XKR9: variants seen among roughly 807,000 people sequenced by gnomAD.
XKR9 encodes XK-related protein 9.
Under a neutral mutation model 32.0 loss-of-function variants are expected in XKR9, and 32 were observed. The observed-to-expected ratio is 1.00, with a 90% CI of 0.76 to 1.34. The LOEUF is 1.34. Among genes scored for constraint, XKR9 ranks in the 40% most tolerant of loss-of-function variants. XKR9 has a pLI of 0.00. For missense variants in XKR9, 546 were observed against 429.7 expected (o/e 1.27, Z -2.39); for synonymous variants, 168 against 143.4 (o/e 1.17, Z -1.22).
the XKR9 span, among the ~76,000 whole-genome samples, chr8:70,938,557 GTC>G: frequency 6.6e-6 from 1 of 151,982 alleles, no homozygotes; most frequent in South Asian, 2.1e-4. Context: ...CTCTGTCATT[GTC>G]CAGAATCAAA....
At chr8:70,709,315 CAT>C (rs1805827739) in intron 4 of XKR9, among the ~76,000 whole-genome samples, 1 of 152,058 alleles carries the variant, frequency 6.6e-6, no homozygotes, top group Non-Finnish European at 1.5e-5. Flanking sequence ...ATAATGGAAC[CAT>C]CTATGACAAA....
At chr8:71,034,683 C>T in the XKR9 span, among the ~76,000 whole-genome samples, 1 of 151,994 alleles carries the variant, frequency 6.6e-6, no homozygotes, top group Non-Finnish European at 1.5e-5. Flanking sequence ...GGAGGAGCCT[C>T]TAAGTGATGT....
chr8:70,889,507 G>A, the XKR9 span, among the ~76,000 whole-genome samples: 1 of 151,782 alleles, frequency 6.6e-6, no homozygotes, highest in African/African-American at 2.4e-5. Flanking sequence ...TCATCACCCA[G>A]GTCCTGAGCA....
the XKR9 span, among the ~76,000 whole-genome samples, chr8:71,001,050 A>G: frequency 6.6e-6 from 1 of 152,236 alleles, no homozygotes; most frequent in South Asian, 2.1e-4. Flanking sequence ...TGTCAACAAA[A>G]TAGGAAATCT....
At chr8:70,897,170 C>T in the XKR9 span, among the ~76,000 whole-genome samples, 1 of 152,176 alleles carries the variant, frequency 6.6e-6, no homozygotes, top group Non-Finnish European at 1.5e-5. Context: ...TTTCACTTTA[C>T]ATAATGACTC....
chr8:70,806,982 A>AG, the XKR9 span, among the ~76,000 whole-genome samples: 1 of 152,170 alleles, frequency 6.6e-6, no homozygotes, highest in Non-Finnish European at 1.5e-5. Context: ...CTCAATGTTG[A>AG]AATGAAGGAA....
chr8:70,890,244 A>G, the XKR9 span, among the ~76,000 whole-genome samples: 20 of 151,992 alleles, frequency 1.3e-4, 1 homozygote, highest in South Asian at 3.3e-3. Context: ...AGATCATGCC[A>G]TTTGTAAACA....
chr8:70,677,087 G>A (rs1367719678), intron 2 of XKR9, among the ~76,000 whole-genome samples: 1 of 151,300 alleles, frequency 6.6e-6, no homozygotes, highest in Non-Finnish European at 1.5e-5. Flanking sequence ...AGACTATAAA[G>A]TTTTCCTGAG....
the XKR9 span, among the ~76,000 whole-genome samples, chr8:70,973,412 CT>C: frequency 1.3e-5 from 2 of 152,010 alleles, no homozygotes; most frequent in African/African-American, 4.8e-5. Context: ...AAAGAACCAG[CT>C]TTTTGTTTCA....
the XKR9 span, among the ~76,000 whole-genome samples, chr8:70,987,648 C>T: frequency 3.9e-5 from 6 of 152,190 alleles, no homozygotes; most frequent in Non-Finnish European, 5.9e-5. Flanking sequence ...CTTTTCCAGG[C>T]CCATGGTCTA....
chr8:70,688,480 G>C (rs770165489), intron 3 of XKR9, among the ~76,000 whole-genome samples: 1 of 151,714 alleles, frequency 6.6e-6, no homozygotes, highest in African/African-American at 2.4e-5. Context: ...GCAGTGGTGC[G>C]ATCTCAGGTC....
the XKR9 span, among the ~76,000 whole-genome samples, chr8:71,035,329 A>G: frequency 6.6e-6 from 1 of 152,212 alleles, no homozygotes. Context: ...TTCTAACCTC[A>G]TTGTTCTCTA....
At chr8:70,762,342 C>T (rs1157449614) in intron 2 of XKR9, among the ~76,000 whole-genome samples, 2 of 152,178 alleles carry the variant, frequency 1.3e-5, no homozygotes, top group Admixed American at 1.3e-4. Flanking sequence ...AACCCCTGGG[C>T]AACGGACTGC....
the XKR9 span, among the ~76,000 whole-genome samples, chr8:70,811,512 T>G: frequency 6.6e-6 from 1 of 152,096 alleles, no homozygotes; most frequent in Non-Finnish European, 1.5e-5. Context: ...GCTGGTTTTT[T>G]GAAAAGATCA....
At chr8:71,019,890 T>C in the XKR9 span, among the ~76,000 whole-genome samples, 1 of 152,218 alleles carries the variant, frequency 6.6e-6, no homozygotes, top group Non-Finnish European at 1.5e-5. Flanking sequence ...TTTGAACACC[T>C]GGTTCTTAAC....
chr8:70,815,889 A>G, the XKR9 span, among the ~76,000 whole-genome samples: 26 of 152,164 alleles, frequency 1.7e-4, no homozygotes, highest in African/African-American at 6.3e-4. Flanking sequence ...TATCCAGTCT[A>G]TCATTGATGG....
chr8:71,046,312 G>C, the XKR9 span, among the ~76,000 whole-genome samples: 1 of 152,150 alleles, frequency 6.6e-6, no homozygotes, highest in Admixed American at 6.5e-5. Context: ...GGCGGTGCAG[G>C]GGTAGCCAAG....
downstream of XKR9, among the ~76,000 whole-genome samples, chr8:70,737,075 T>G (rs375790516): frequency 6.8e-6 from 1 of 148,130 alleles, no homozygotes; most frequent in African/African-American, 2.5e-5. Context: ...GCCATTTTCA[T>G]GATATTGATT....
At chr8:70,869,575 T>C in the XKR9 span, among the ~76,000 whole-genome samples, 8 of 152,146 alleles carry the variant, frequency 5.3e-5, no homozygotes. Context: ...AAGATGAGAT[T>C]TGGGTGAGGA....
Sources: allele counts gnomAD v4.1 joint callset (sites outside exome capture counted in the v4.1 genomes callset), GRCh38; gene constraint gnomAD v4.1.1; transcripts MANE v1.5; gene names NCBI Gene and HGNC (gene_info 2026-07-23, HGNC 2026-07-21).